CIROZ: variants seen among roughly 807,000 people sequenced by gnomAD.
The protein encoded by CIROZ is ciliated left-right organizer protein containing ZP-N domains.
the CIROZ span, chr1:10,948,105 G>C: frequency 4.3e-6 from 7 of 1,613,490 alleles, no homozygotes; most frequent in African/African-American, 9.3e-5. Context: ...CCAGGCACTG[G>C]GGTCTGGCTG....
the CIROZ span, chr1:10,969,829 G>T: frequency 4.8e-5 from 62 of 1,286,128 alleles, no homozygotes; most frequent in Non-Finnish European, 5.8e-5. Context: ...TGGAAGGGCT[G>T]TGGGGGGAGG....
the CIROZ span, among the ~76,000 whole-genome samples, chr1:10,972,999 G>A: frequency 1.1e-4 from 16 of 152,134 alleles, no homozygotes; most frequent in Admixed American, 5.9e-4. Context: ...GGGCCTTGCC[G>A]TATAGCCTTT....
At chr1:10,957,863 G>T in the CIROZ span, 1 of 1,289,292 alleles carries the variant, frequency 7.8e-7, no homozygotes, top group Non-Finnish European at 1.1e-6. Flanking sequence ...CAGGGTCACG[G>T]GGAGGATAAT....
At chr1:10,966,154 G>T in the CIROZ span, among the ~76,000 whole-genome samples, 1 of 152,154 alleles carries the variant, frequency 6.6e-6, no homozygotes, top group African/African-American at 2.4e-5. Flanking sequence ...CAGGAGGACT[G>T]CCTGGAGGAG....
At chr1:10,953,549 G>A in the CIROZ span, among the ~76,000 whole-genome samples, 3 of 152,278 alleles carry the variant, frequency 2.0e-5, no homozygotes, top group Non-Finnish European at 2.9e-5. Context: ...CCAAATGACC[G>A]GAGGAACTGG....
At chr1:10,978,991 CTT>C in the CIROZ span, among the ~76,000 whole-genome samples, 1 of 151,230 alleles carries the variant, frequency 6.6e-6, no homozygotes, top group Admixed American at 6.6e-5. Context: ...GAGGATCTCA[CTT>C]TTTTTTTCTT....
chr1:10,968,459 G>T, the CIROZ span, among the ~76,000 whole-genome samples: 2 of 152,202 alleles, frequency 1.3e-5, no homozygotes, highest in African/African-American at 4.8e-5. Flanking sequence ...AAAGCACGCA[G>T]CTTCCACCGC....
At chr1:10,952,987 C>T in the CIROZ span, among the ~76,000 whole-genome samples, 1 of 152,310 alleles carries the variant, frequency 6.6e-6, no homozygotes, top group East Asian at 1.9e-4. Context: ...TTAATGTCAT[C>T]ACTGCAGGAA....
the CIROZ span, chr1:10,982,025 G>A: frequency 6.5e-7 from 1 of 1,537,204 alleles, no homozygotes; most frequent in Non-Finnish European, 8.7e-7. Context: ...GCAAGTGCTG[G>A]GGACCCCCAC....
the CIROZ span, chr1:10,957,120 G>C: frequency 6.5e-7 from 1 of 1,547,354 alleles, no homozygotes; most frequent in African/African-American, 1.4e-5. Context: ...GGGGAGGAAG[G>C]GGGGTCCCCC....
chr1:10,956,448 A>T, the CIROZ span, among the ~76,000 whole-genome samples: 1 of 150,868 alleles, frequency 6.6e-6, no homozygotes, highest in Non-Finnish European at 1.5e-5. Context: ...GCAGACCTCA[A>T]GTTTGCAGGT....
At chr1:10,957,877 G>C in the CIROZ span, 2 of 1,148,858 alleles carry the variant, frequency 1.7e-6, no homozygotes, top group South Asian at 3.0e-5. Flanking sequence ...GGATAATCTA[G>C]GCCAGGAGGC....
chr1:10,957,185 C>T, the CIROZ span: 5 of 1,149,224 alleles, frequency 4.4e-6, no homozygotes, highest in Admixed American at 1.1e-4. Context: ...CAGGGGCCCC[C>T]TCTCCTACCT....
At chr1:10,977,344 G>A in the CIROZ span, among the ~76,000 whole-genome samples, 1 of 152,064 alleles carries the variant, frequency 6.6e-6, no homozygotes, top group African/African-American at 2.4e-5. Flanking sequence ...TTCCCCGGGC[G>A]TGGTGGCGTG....
At chr1:10,969,111 G>T in the CIROZ span, among the ~76,000 whole-genome samples, 2 of 152,150 alleles carry the variant, frequency 1.3e-5, no homozygotes, top group Non-Finnish European at 2.9e-5. Context: ...CCCAGAAGGT[G>T]CTTTAGGAAT....
the CIROZ span, among the ~76,000 whole-genome samples, chr1:10,970,551 C>T: frequency 2.0e-5 from 3 of 152,018 alleles, no homozygotes; most frequent in African/African-American, 7.3e-5. Flanking sequence ...ATCGCTTGAA[C>T]CTGGGAGACA....
At chr1:10,948,474 G>A in the CIROZ span, 1 of 1,614,054 alleles carries the variant, frequency 6.2e-7, no homozygotes, top group Non-Finnish European at 8.5e-7. Flanking sequence ...TGGAGACTTG[G>A]CGGGGTCCTG....
At chr1:10,961,509 T>A in the CIROZ span, among the ~76,000 whole-genome samples, 2 of 152,144 alleles carry the variant, frequency 1.3e-5, no homozygotes, top group Admixed American at 1.3e-4. Context: ...GCAGGGGCCC[T>A]TCCCACCACA....
the CIROZ span, among the ~76,000 whole-genome samples, chr1:10,960,039 C>T: frequency 1.3e-5 from 2 of 152,166 alleles, no homozygotes; most frequent in Non-Finnish European, 2.9e-5. The surrounding 1 kb of genome is among the most constrained non-coding windows in gnomAD (Gnocchi z 4.6). Context: ...AGGAAGAAGA[C>T]AGAGAGGCCC....
Sources: gnomAD v4.1 joint callset for allele counts (sites outside exome capture counted in the v4.1 genomes callset) on GRCh38, gnomAD v4.1.1 for gene constraint, Gnocchi (gnomAD v3.1) non-coding constraint, MANE v1.5 for transcripts, NCBI Gene and HGNC (gene_info 2026-07-23, HGNC 2026-07-21) for gene names.